Variants in FAR2 observed in about 807,000 individuals in gnomAD.
FAR2 encodes fatty acyl-CoA reductase 2.
FAR2 carries 19 observed loss-of-function variants against 56.0 expected under a neutral mutation model. The ratio of observed to expected loss-of-function variants is 0.34; its 90% CI spans 0.24 to 0.50. The LOEUF is 0.50. FAR2 is among the 20% of genes least tolerant of loss of function. The probability of loss-of-function intolerance (pLI) is 0.98; values close to 1 mark genes in which losing one functional copy is unlikely to be tolerated. For missense variants in FAR2, 508 were observed against 642.2 expected, an observed-to-expected ratio of 0.79 and a Z score of 2.26; for synonymous variants, 219 against 218.8, an observed-to-expected ratio of 1.00 and a Z score of -0.01.
chr12:29,312,050 A>C (rs1949361129), intron 8 of FAR2, 100 bp downstream of exon 8: 1 of 778,046 alleles, frequency 1.3e-6, no homozygotes, highest in Admixed American at 2.7e-5. Context: ...ATGGGGAGAA[A>C]GACAAAAAGT....
intron 1 of FAR2, among the ~76,000 whole-genome samples, chr12:29,215,543 A>G (rs1021226436): frequency 1.3e-5 from 2 of 152,230 alleles, no homozygotes; most frequent in Non-Finnish European, 2.9e-5. Flanking sequence ...ACTTTCTTGG[A>G]AACAGTAATT....
intron 1 of FAR2, among the ~76,000 whole-genome samples, chr12:29,237,744 AACAG>A (rs1438715711): frequency 6.6e-6 from 1 of 152,216 alleles, no homozygotes; most frequent in African/African-American, 2.4e-5. Context: ...TTAGGAAAAT[AACAG>A]ACAGCATTTT....
At chr12:29,290,267 G>A (rs1025776731) in intron 2 of FAR2, among the ~76,000 whole-genome samples, 8 of 152,016 alleles carry the variant, frequency 5.3e-5, no homozygotes, top group South Asian at 4.2e-4. Flanking sequence ...CCAACGTAGC[G>A]AAACCCCATC....
chr12:29,166,597 T>C (rs1477036732), intron 1 of FAR2, among the ~76,000 whole-genome samples: 1 of 152,230 alleles, frequency 6.6e-6, no homozygotes, highest in Non-Finnish European at 1.5e-5. Flanking sequence ...TCTGAGAGTA[T>C]TCTTAACATT....
At chr12:29,157,968 T>A (rs1329890179) in intron 1 of FAR2, among the ~76,000 whole-genome samples, 1 of 152,228 alleles carries the variant, frequency 6.6e-6, no homozygotes, top group Admixed American at 6.5e-5. Context: ...GATTTTTGCT[T>A]ATTATTTTCA....
chr12:29,304,517 ACTCT>A (rs1949224663), intron 4 of FAR2, among the ~76,000 whole-genome samples: 3 of 152,126 alleles, frequency 2.0e-5, no homozygotes, highest in Admixed American at 6.5e-5. Flanking sequence ...TCCACTACTT[ACTCT>A]CTAACAGATT....
At chr12:29,219,608 T>TG (rs1386686548) in intron 1 of FAR2, among the ~76,000 whole-genome samples, 1 of 152,146 alleles carries the variant, frequency 6.6e-6, no homozygotes, top group Non-Finnish European at 1.5e-5. Flanking sequence ...AGTAAATGTG[T>TG]TTTAACTCTG....
intron 1 of FAR2, among the ~76,000 whole-genome samples, chr12:29,160,064 G>T (rs1260002793): frequency 6.6e-6 from 1 of 152,178 alleles, no homozygotes; most frequent in African/African-American, 2.4e-5. Context: ...ATTGTCTGAT[G>T]AGAGGATTTC....
In FAR2 at chr12:29,190,438, T is replaced by G. The variant is rs771437928; in HGVS notation, c.-39+41031T>G. Among the ~76,000 whole-genome samples the G allele has an allele frequency of 2.0e-5, 3 of 152,208 alleles. No individual in the cohort carries two copies. In the East Asian group the frequency reaches 5.8e-4, roughly 29 times the overall value. ...CTTCTCTGCTAGAGTTCAAGATTCATAGTAGTTTTATTTTTAATTAATTAA... is the reference window on the plus strand; with the variant it reads ...CTTCTCTGCTAGAGTTCAAGATTCAGAGTAGTTTTATTTTTAATTAATTAA... On this transcript the variant is annotated intron_variant, in intron 1 of 11. Coordinates refer to ENST00000536681, the MANE Select transcript of FAR2 (RefSeq NM_001271783.2).
chr12:29,275,760 T>A (rs1001475306), intron 2 of FAR2, among the ~76,000 whole-genome samples: 17 of 152,222 alleles, frequency 1.1e-4, no homozygotes, highest in African/African-American at 3.6e-4. Flanking sequence ...GAGAGTCTTG[T>A]GGTCAACCCA....
rs537834069 is a variant in FAR2, at chr12:29,259,925, G to C, written c.-38-10487G>C. ...CACAAACCATATCATGAGCATGAGG[G>C]GTAGGAAATTATCCTCTGCTCTCTG... On this transcript the variant is annotated intron_variant, in intron 1 of 11. Transcript: ENST00000536681. 3.3e-5 allele frequency among the ~76,000 whole-genome samples: 5 copies of C among 152,184 alleles called. No individual in the cohort carries two copies. The East Asian group carries it at 7.7e-4, about 24-fold the overall frequency.
intron 9 of FAR2, among the ~76,000 whole-genome samples, chr12:29,318,219 T>G (rs772180436): frequency 1.1e-4 from 17 of 152,228 alleles, no homozygotes; most frequent in Non-Finnish European, 1.9e-4. Flanking sequence ...AATGTAGAGT[T>G]TATCTAAATT....
intron 2 of FAR2, among the ~76,000 whole-genome samples, chr12:29,274,568 C>T (rs1247590586): frequency 6.6e-6 from 1 of 152,036 alleles, no homozygotes; most frequent in African/African-American, 2.4e-5. Context: ...GGCCTCTGAG[C>T]CCAAGCTAAG....
intron 9 of FAR2, among the ~76,000 whole-genome samples, chr12:29,319,052 G>A (rs967647142): frequency 6.6e-6 from 1 of 151,072 alleles, no homozygotes; most frequent in African/African-American, 2.4e-5. Context: ...GTGCAGTGGC[G>A]AGATCTCAGC....
chr12:29,317,122 C>T (rs1949463910), intron 9 of FAR2, 110 bp downstream of exon 9: 1 of 1,164,610 alleles, frequency 8.6e-7, no homozygotes, highest in African/African-American at 1.5e-5. Flanking sequence ...CTGAATCTTA[C>T]CCATATATAC....
intron 4 of FAR2, among the ~76,000 whole-genome samples, chr12:29,299,796 C>T (rs1173679960): frequency 9.6e-6 from 1 of 104,330 alleles, no homozygotes; most frequent in South Asian, 2.9e-4. Flanking sequence ...CCTTTGCACT[C>T]GAAACTCTGT....
chr12:29,192,721 C>T (rs1950112659), intron 1 of FAR2, among the ~76,000 whole-genome samples: 1 of 152,148 alleles, frequency 6.6e-6, no homozygotes, highest in South Asian at 2.1e-4. Flanking sequence ...TTCCATAAAA[C>T]ATTGCATTTG....
chr12:29,291,492 A>G (rs922713940), intron 2 of FAR2: 48 of 455,682 alleles, frequency 1.1e-4, no homozygotes, highest in Non-Finnish European at 1.9e-4. Flanking sequence ...TTCATCTGCA[A>G]TGGTCCGTGT....
intron 2 of FAR2, among the ~76,000 whole-genome samples, chr12:29,290,869 G>C (rs1948953699): frequency 6.6e-6 from 1 of 152,130 alleles, no homozygotes. Flanking sequence ...CAAGTGGGAG[G>C]GGGTGGATGG....
Sources: allele counts gnomAD v4.1 joint callset (sites outside exome capture counted in the v4.1 genomes callset), GRCh38; gene constraint gnomAD v4.1.1; transcripts MANE v1.5; gene names NCBI Gene and HGNC (gene_info 2026-07-23, HGNC 2026-07-21).